Variants in NEDD4 observed in about 807,000 individuals in gnomAD.
NEDD4 encodes E3 ubiquitin-protein ligase NEDD4.
Under a neutral mutation model 144.9 loss-of-function variants are expected in NEDD4, and 99 were observed. That is an observed-to-expected ratio of 0.68 (90% CI 0.58 to 0.81). The LOEUF is 0.81. Ranked by LOEUF, NEDD4 falls within the 30% of genes least tolerant of loss-of-function variation. The pLI is 0.00. For synonymous variants in NEDD4, 318 were observed against 350.6 expected (o/e 0.91, Z 1.04); for missense variants, 985 against 1,065.9 (o/e 0.92, Z 1.06).
intron 4 of NEDD4, among the ~76,000 whole-genome samples, chr15:55,950,978 AGATGGG>A (rs1404236413): frequency 9.2e-5 from 14 of 152,336 alleles, no homozygotes; most frequent in African/African-American, 3.1e-4. Context: ...TAAATGAGGC[AGATGGG>A]GTGGAAAGGC....
chr15:55,922,724 G>C (rs899250081), intron 5 of NEDD4, among the ~76,000 whole-genome samples: 8 of 152,070 alleles, frequency 5.3e-5, no homozygotes, highest in African/African-American at 1.9e-4. Flanking sequence ...AGCAAAGAAT[G>C]ATAAAAACAA....
chr15:55,975,326 T>C (rs1167208610), intron 1 of NEDD4, among the ~76,000 whole-genome samples: 2 of 152,212 alleles, frequency 1.3e-5, no homozygotes, highest in African/African-American at 2.4e-5. Flanking sequence ...TATGAACTTA[T>C]ATTTGGAAAA....
chr15:55,877,953 T>A (rs62043794), intron 5 of NEDD4, among the ~76,000 whole-genome samples: 21,347 of 152,150 alleles, frequency 0.14, 1,646 homozygotes, highest in East Asian at 0.36. Context: ...CCTTACTTTT[T>A]GGCACCACAA....
chr15:55,979,857 CT>C (rs2037770066), intron 1 of NEDD4, among the ~76,000 whole-genome samples: 1 of 151,940 alleles, frequency 6.6e-6, no homozygotes, highest in Non-Finnish European at 1.5e-5. Flanking sequence ...CCTTTCTCCA[CT>C]TTTAAAACTG....
At chr15:55,943,419 T>C (rs1333522638) in intron 4 of NEDD4, among the ~76,000 whole-genome samples, 1 of 152,164 alleles carries the variant, frequency 6.6e-6, no homozygotes, top group Non-Finnish European at 1.5e-5. Flanking sequence ...AGGGCCCTGC[T>C]GCCCTACACA....
intron 4 of NEDD4, among the ~76,000 whole-genome samples, chr15:55,931,732 C>T (rs374355340): frequency 3.2e-4 from 49 of 152,268 alleles, no homozygotes; most frequent in African/African-American, 1.2e-3. Context: ...ACAAACAATA[C>T]AGATACATCT....
At chr15:55,904,954 C>T (rs1450581868) in intron 5 of NEDD4, among the ~76,000 whole-genome samples, 5 of 151,540 alleles carry the variant, frequency 3.3e-5, no homozygotes, top group South Asian at 2.1e-4. Flanking sequence ...TAGCCGGGTA[C>T]GGTGGCACAT....
chr15:55,911,402 G>A (rs566940874), intron 5 of NEDD4, among the ~76,000 whole-genome samples: 9 of 152,080 alleles, frequency 5.9e-5, no homozygotes, highest in South Asian at 2.1e-4. Flanking sequence ...ATCAAGACTC[G>A]GTTCAAATGT....
At chr15:55,838,225 A>G (rs1354969812) in intron 22 of NEDD4, 45 bp from the exon 23 acceptor site, 1 of 1,368,496 alleles carries the variant, frequency 7.3e-7, no homozygotes, top group Admixed American at 2.1e-5. Flanking sequence ...TAGCGAGAAA[A>G]ATTTAAAAAG....
chr15:55,844,316 T>C (rs1409212119), intron 18 of NEDD4, among the ~76,000 whole-genome samples: 6 of 152,192 alleles, frequency 3.9e-5, no homozygotes, highest in African/African-American at 1.4e-4. Flanking sequence ...CACGGTCAGA[T>C]TGCTGGGTTC....
At chr15:55,874,828 G>T (rs576612150) in intron 5 of NEDD4, among the ~76,000 whole-genome samples, 3 of 152,232 alleles carry the variant, frequency 2.0e-5, no homozygotes, top group Admixed American at 2.0e-4. Flanking sequence ...ACAAAAATTA[G>T]CCAGGTGTGG....
intron 12 of NEDD4, among the ~76,000 whole-genome samples, chr15:55,855,248 T>C (rs1198251106): frequency 9.2e-5 from 14 of 152,164 alleles, no homozygotes; most frequent in South Asian, 6.2e-4. Context: ...TGCTAGAACA[T>C]ACCCTACTTT....
At chr15:55,845,818 C>T (rs1195762361) in intron 18 of NEDD4, among the ~76,000 whole-genome samples, 2 of 142,030 alleles carry the variant, frequency 1.4e-5, no homozygotes, top group African/African-American at 5.3e-5. Flanking sequence ...TTTTGAGACA[C>T]TCTGTTGCCC....
intron 21 of NEDD4, among the ~76,000 whole-genome samples, chr15:55,839,992 AAAAAAAAATATATATATATATAT>A (rs1441745194): frequency 1.9e-4 from 11 of 58,182 alleles, no homozygotes; most frequent in South Asian, 1.4e-3. Flanking sequence ...AAAAAAAAAA[AAAAAAAAATATATATATATATAT>A]ATATATATAT....
intron 5 of NEDD4, among the ~76,000 whole-genome samples, chr15:55,908,792 C>A: frequency 6.6e-6 from 1 of 152,106 alleles, no homozygotes; most frequent in East Asian, 1.9e-4. Context: ...GTAGTCCCAG[C>A]TACACAGGAA....
At chr15:55,947,893 A>C (rs566306827) in intron 4 of NEDD4, among the ~76,000 whole-genome samples, 7 of 152,344 alleles carry the variant, frequency 4.6e-5, no homozygotes, top group African/African-American at 1.4e-4. Flanking sequence ...AACTGGCACA[A>C]GACAGGGATG....
chr15:55,974,891 C>CTTTTTTTTTTTTTTTTTTT (rs56285555), intron 1 of NEDD4, among the ~76,000 whole-genome samples: 1,259 of 75,644 alleles, frequency 0.017, 154 homozygotes, highest in African/African-American at 0.021. Context: ...CTTTTCCTTT[C>CTTTTTTTTTTTTTTTTTTT]TTTTTTTTTT....
intron 4 of NEDD4, among the ~76,000 whole-genome samples, chr15:55,947,343 A>C (rs907367387): frequency 6.6e-6 from 1 of 152,232 alleles, no homozygotes; most frequent in Admixed American, 6.5e-5. Flanking sequence ...CCAATCCCAC[A>C]GAAATACAAA....
At chr15:55,849,133 G>A (rs1354322906) in intron 14 of NEDD4, among the ~76,000 whole-genome samples, 2 of 152,122 alleles carry the variant, frequency 1.3e-5, no homozygotes, top group Non-Finnish European at 2.9e-5. Flanking sequence ...CATTTCTTTT[G>A]CCCCGCTCTT....
Sources: allele counts gnomAD v4.1 joint callset (sites outside exome capture counted in the v4.1 genomes callset), GRCh38; gene constraint gnomAD v4.1.1; transcripts MANE v1.5; gene names NCBI Gene and HGNC (gene_info 2026-07-23, HGNC 2026-07-21).